AUH: variants seen among roughly 807,000 people sequenced by gnomAD.
The protein encoded by AUH is methylglutaconyl-CoA hydratase, mitochondrial.
Under a neutral mutation model 42.3 loss-of-function variants are expected in AUH, and 29 were observed. The ratio of observed to expected loss-of-function variants is 0.69; its 90% CI spans 0.51 to 0.93. The LOEUF is 0.93. AUH is among the 40% of genes least tolerant of loss of function. The pLI, the probability that AUH is intolerant of heterozygous loss-of-function variation, is 0.00. For synonymous variants in AUH, 174 were observed against 166.4 expected, an observed-to-expected ratio of 1.05 and a Z score of -0.35; for missense variants, 452 against 438.1, an observed-to-expected ratio of 1.03 and a Z score of -0.28.
At chr9:91,291,059 T>C (rs1179921916) in intron 6 of AUH, among the ~76,000 whole-genome samples, 2 of 152,202 alleles carry the variant, frequency 1.3e-5, no homozygotes, top group Non-Finnish European at 2.9e-5. Flanking sequence ...ATCTGTTCCA[T>C]GCCTCTCACC....
intron 3 of AUH, among the ~76,000 whole-genome samples, chr9:91,329,188 C>T (rs1830155694): frequency 6.6e-6 from 1 of 151,834 alleles, no homozygotes; most frequent in Admixed American, 6.6e-5. Context: ...ATGACTAATG[C>T]TGATATGGAC....
intron 4 of AUH, among the ~76,000 whole-genome samples, chr9:91,311,348 T>G (rs147291844): frequency 6.6e-6 from 1 of 152,236 alleles, no homozygotes; most frequent in Non-Finnish European, 1.5e-5. Context: ...TTTACACTGC[T>G]AAATTAAAGC....
rs112697328 is a variant in AUH, at chr9:91,233,315, A to C, written c.656-12323T>G. Reference sequence around the variant, plus strand: ...CATCTCCAGGAGGAACACGAAGGGCACAGGTTTTGTGGGAATTGCAACTGA... The same window carrying C: ...CATCTCCAGGAGGAACACGAAGGGCCCAGGTTTTGTGGGAATTGCAACTGA... On this transcript the variant is annotated intron_variant, in intron 6 of 9. Coordinates refer to ENST00000375731, the MANE Select transcript of AUH (RefSeq NM_001698.3). Among the ~76,000 whole-genome samples the C allele has an allele frequency of 2.0e-5, 3 of 152,274 alleles. 1 individual carries two copies. Among genetic ancestry groups the C allele is most frequent in the African/African-American group, 7.2e-5 (3 of 41,560 alleles).
intron 6 of AUH, among the ~76,000 whole-genome samples, chr9:91,226,242 T>C (rs991165513): frequency 6.6e-5 from 10 of 151,664 alleles, no homozygotes; most frequent in Non-Finnish European, 1.2e-4. Context: ...TGATCGCCAT[T>C]CTAACTGGTG....
chr9:91,313,962 T>C (rs995824559), intron 4 of AUH, among the ~76,000 whole-genome samples: 1 of 151,690 alleles, frequency 6.6e-6, no homozygotes, highest in Admixed American at 6.6e-5. Context: ...TAGCTGGGAT[T>C]ACAGGCACGT....
chr9:91,345,279 T>C (rs969674828), intron 3 of AUH, among the ~76,000 whole-genome samples: 3 of 152,124 alleles, frequency 2.0e-5, no homozygotes, highest in African/African-American at 7.2e-5. Context: ...ATGACTTGAC[T>C]ACCTTTGTAG....
intron 3 of AUH, among the ~76,000 whole-genome samples, chr9:91,330,782 T>C (rs1036659973): frequency 2.0e-5 from 3 of 152,184 alleles, no homozygotes; most frequent in Admixed American, 2.0e-4. Flanking sequence ...ATCCTGCAAA[T>C]ATGTTCAATG....
chr9:91,263,643 TTC>T (rs1335940577), intron 6 of AUH, among the ~76,000 whole-genome samples: 2 of 152,224 alleles, frequency 1.3e-5, no homozygotes, highest in Admixed American at 1.3e-4. Flanking sequence ...ACTAGAGAAT[TTC>T]TGTTTCCACA....
chr9:91,334,608 G>A (rs979583173), intron 3 of AUH, among the ~76,000 whole-genome samples: 14 of 145,060 alleles, frequency 9.7e-5, no homozygotes, highest in African/African-American at 3.6e-4. Context: ...AATCCCGTGA[G>A]CCAATTCCTC....
At chr9:91,331,792 T>G (rs948613298) in intron 3 of AUH, among the ~76,000 whole-genome samples, 2 of 152,232 alleles carry the variant, frequency 1.3e-5, no homozygotes, top group African/African-American at 4.8e-5. Context: ...CAATGAACTT[T>G]AGAGAAGTTA....
Position 91,322,111 on chromosome 9 carries a change from T to C in AUH, c.505+3207A>G, listed in dbSNP as rs116666373. On this transcript the variant is annotated intron_variant, in intron 4 of 9. Coordinates refer to ENST00000375731, the MANE Select transcript of AUH (RefSeq NM_001698.3). ...TAATAAAAAGTATCATTAATAAATATGGAGGAACTCCCAAGAAAAAATGGA... is the reference window on the plus strand; with the variant it reads ...TAATAAAAAGTATCATTAATAAATACGGAGGAACTCCCAAGAAAAAATGGA... 4.5e-4 allele frequency among the ~76,000 whole-genome samples: 69 copies of C among 152,262 alleles called. 1 individual carries two copies. The highest frequency in any genetic ancestry group is 1.2e-3 in the African/African-American group (49 of 41,570).
At chr9:91,222,973 C>G (rs1045236537) in intron 6 of AUH, among the ~76,000 whole-genome samples, 2 of 152,120 alleles carry the variant, frequency 1.3e-5, no homozygotes, top group African/African-American at 4.8e-5. Context: ...TAGCATGATC[C>G]TGAGGTATGA....
At chr9:91,282,384 T>A (rs1420373665) in intron 6 of AUH, among the ~76,000 whole-genome samples, 2 of 152,156 alleles carry the variant, frequency 1.3e-5, no homozygotes, top group African/African-American at 2.4e-5. Context: ...ACACAATTTA[T>A]CATGTGCTAG....
chr9:91,345,658 C>T (rs1315017613), intron 3 of AUH, among the ~76,000 whole-genome samples: 1 of 151,566 alleles, frequency 6.6e-6, no homozygotes, highest in Non-Finnish European at 1.5e-5. Context: ...ACGGTGAAAC[C>T]CCGTCTCTAC....
chr9:91,361,569 C>A, intron 1 of AUH, 59 bp downstream of exon 1: 1 of 1,545,632 alleles, frequency 6.5e-7, no homozygotes. Context: ...CACCTTATGC[C>A]CGTCCTGAGA....
At chr9:91,327,098 A>C (rs1587865290) in intron 3 of AUH, among the ~76,000 whole-genome samples, 1 of 152,222 alleles carries the variant, frequency 6.6e-6, no homozygotes. Flanking sequence ...ACCTCCTATC[A>C]ATCCTACGAA....
At chr9:91,225,652 T>C (rs1041428677) in intron 6 of AUH, among the ~76,000 whole-genome samples, 5 of 151,494 alleles carry the variant, frequency 3.3e-5, no homozygotes, top group African/African-American at 1.2e-4. Context: ...CTGCACCCAC[T>C]AACTCGTCAT....
chr9:91,308,467 T>C (rs1462406913), intron 4 of AUH, among the ~76,000 whole-genome samples: 1 of 152,214 alleles, frequency 6.6e-6, no homozygotes, highest in Non-Finnish European at 1.5e-5. Flanking sequence ...TCCACCATTC[T>C]TGATGAGAGG....
rs559647372 is a variant in AUH, at chr9:91,234,614, C to T, written c.656-13622G>A. 1.1e-3 allele frequency among the ~76,000 whole-genome samples: 170 copies of T among 151,842 alleles called. 2 individuals are homozygous for T. Among genetic ancestry groups the T allele is most frequent in the Admixed American group, 0.011 (166 of 15,240 alleles). ...ACTGAATGGGAGTTTATCCGTTTTA[C>T]TTTTTCCAAATAAAGCTTATTTAAG... On this transcript the variant is annotated intron_variant, in intron 6 of 9. Transcript: ENST00000375731.
Sources: gnomAD v4.1 joint callset for allele counts (sites outside exome capture counted in the v4.1 genomes callset) on GRCh38, gnomAD v4.1.1 for gene constraint, MANE v1.5 for transcripts, NCBI Gene and HGNC (gene_info 2026-07-23, HGNC 2026-07-21) for gene names.